CLUAP1: variants seen among roughly 807,000 people sequenced by gnomAD.
CLUAP1 encodes intraflagellar transport 38, also known as clusterin-associated protein 1.
A neutral mutation model predicts 55.0 loss-of-function variants in CLUAP1; 50 were observed. The observed-to-expected ratio is 0.91, with a 90% CI of 0.72 to 1.15. CLUAP1 has a LOEUF of 1.15. Among genes scored for constraint, CLUAP1 ranks in the 50% most tolerant of loss-of-function variants. The pLI, the probability that CLUAP1 is intolerant of heterozygous loss-of-function variation, is 0.00. For synonymous variants in CLUAP1, 195 were observed against 175.4 expected, an observed-to-expected ratio of 1.11 and a Z score of -0.88; for missense variants, 530 against 507.6, an observed-to-expected ratio of 1.04 and a Z score of -0.42.
Position 3,523,315 on chromosome 16 carries a change from C to T in CLUAP1, c.855+16C>T. 1 of 1,602,168 alleles carries T rather than the reference C, an allele frequency of 6.2e-7. No homozygotes were observed. The highest frequency in any genetic ancestry group is 2.2e-5 in the East Asian group (1 of 44,506). ...AAGGTTTGAGGTGAGCTGAGCCTGT[C>T]CTCTGTTCAGCCATTCCTTCTGGTG... On this transcript the variant is annotated intron_variant, in intron 8 of 11. Coordinates refer to ENST00000576634, the MANE Select transcript of CLUAP1 (RefSeq NM_015041.3).
rs2037440617 is a variant in CLUAP1, at chr16:3,503,198, C to T, written c.23-1522C>T. Among the ~76,000 whole-genome samples the T allele has an allele frequency of 2.6e-5, 4 of 152,174 alleles. No homozygotes were observed. The South Asian group carries it at 8.3e-4, about 32-fold the overall frequency. On this transcript the variant is annotated intron_variant, in intron 1 of 11. Coordinates refer to ENST00000576634, the MANE Select transcript of CLUAP1 (RefSeq NM_015041.3). ...TCTTTTTTTGAGATGGAGTCTCGCT[C>T]TGTCACCCAGGCTGGAGTGCAGTGA...
Position 3,512,578 on chromosome 16 carries a change from A to T in CLUAP1, c.495+100A>T, listed in dbSNP as rs115948598. 3.4e-3 allele frequency: 3,086 copies of T among 906,408 alleles called. 62 individuals are homozygous for T. In the African/African-American group the frequency reaches 0.045, roughly 13 times the overall value. 56.1% of individuals were successfully genotyped at this position (906,408 alleles called of 1,614,324 possible). A position where few individuals can be genotyped will look rare whatever the true frequency, so the allele number is the denominator to read the frequency against. ...TTTCAGTTCTGATTTAATGAAATAC[A>T]CCTGGTTGAATGAGCTAATGTGTGG... On this transcript the variant is annotated intron_variant, in intron 5 of 11. Coordinates refer to ENST00000576634, the MANE Select transcript of CLUAP1 (RefSeq NM_015041.3).
chr16:3,507,731 T>C (rs1249216907), intron 3 of CLUAP1, among the ~76,000 whole-genome samples: 5 of 149,408 alleles, frequency 3.3e-5, no homozygotes, highest in African/African-American at 1.2e-4. Flanking sequence ...AATAAAAATA[T>C]ATATTTTTCC....
intron 4 of CLUAP1, among the ~76,000 whole-genome samples, chr16:3,509,435 C>A (rs142633099): frequency 1.3e-5 from 2 of 152,204 alleles, no homozygotes; most frequent in Non-Finnish European, 2.9e-5. Flanking sequence ...CAAAGGGTTG[C>A]TCTGGCTGCT....
At chr16:3,502,651 C>T (rs1265905576) in intron 1 of CLUAP1, among the ~76,000 whole-genome samples, 1 of 152,074 alleles carries the variant, frequency 6.6e-6, no homozygotes, top group Non-Finnish European at 1.5e-5. Context: ...CCACTGAGCA[C>T]CAGAGTGTGA....
rs555397963 is a variant in CLUAP1 at position 3,528,469 on chromosome 16, A to G, written c.928+1985A>G. On this transcript the variant is annotated intron_variant, in intron 9 of 11. Transcript: ENST00000576634. ...TCCAGGAACAAGGTTAGGAAATTTG[A>G]AGGGCCTGTCTAGCCAAAGCAGCCC... Among the ~76,000 whole-genome samples, 17 of 152,272 alleles carry G rather than the reference A, an allele frequency of 1.1e-4. 1 individual carries two copies. The highest frequency in any genetic ancestry group is 4.1e-4 in the African/African-American group (17 of 41,550).
At chr16:3,522,778 C>A (rs920684596) in intron 7 of CLUAP1, among the ~76,000 whole-genome samples, 2 of 151,752 alleles carry the variant, frequency 1.3e-5, no homozygotes, top group African/African-American at 4.9e-5. Context: ...TATAAAATTT[C>A]TTGGTATATT....
In CLUAP1 at chr16:3,529,454, TTA is replaced by T. The variant is rs1371680911; in HGVS notation, c.929-1107_929-1106del. On this transcript the variant is annotated intron_variant, in intron 9 of 11. Transcript: ENST00000576634. The stretch of plus-strand genomic sequence containing the variant: ...ATAATATATATTATATTATATATTA[TTA>T]TATATAATATATATTATATTATATA... 9.2e-4 allele frequency among the ~76,000 whole-genome samples: 67 copies of T among 72,814 alleles called. 2 individuals are homozygous for T. Among genetic ancestry groups the T allele is most frequent in the Middle Eastern group, 5.2e-3 (1 of 192 alleles). The allele number at this position is 72,814 out of a possible 152,430, so 47.8% of individuals were successfully genotyped here. A position where few individuals can be genotyped will look rare whatever the true frequency, so the allele number is the denominator to read the frequency against.
chr16:3,519,800 T>C (rs897071943), intron 6 of CLUAP1, 103 bp from the exon 7 acceptor site: 1 of 1,163,128 alleles, frequency 8.6e-7, no homozygotes. Context: ...TTTGTGTTTG[T>C]TGAGCATAAT....
At chr16:3,522,988 G>T (rs117472079) in intron 7 of CLUAP1, among the ~76,000 whole-genome samples, 170 bp from the exon 8 acceptor site, 25 of 152,176 alleles carry the variant, frequency 1.6e-4, no homozygotes, top group African/African-American at 5.8e-4. Flanking sequence ...GTTCATTTTG[G>T]GGGGAGAAAG....
At chr16:3,508,163 G>A (rs1465359823) in intron 3 of CLUAP1, 126 bp from the exon 4 acceptor site, 1 of 753,782 alleles carries the variant, frequency 1.3e-6, no homozygotes, top group African/African-American at 1.8e-5. Context: ...TCACTTGAAT[G>A]CTTTGCTTTT....
upstream of CLUAP1, among the ~76,000 whole-genome samples, chr16:3,500,010 A>G (rs972835236): frequency 6.6e-6 from 1 of 152,224 alleles, no homozygotes; most frequent in African/African-American, 2.4e-5. Flanking sequence ...ATGCCAACCA[A>G]TCGCTTTGTG....
upstream of CLUAP1, chr16:3,496,275 G>A: frequency 1.3e-6 from 1 of 768,750 alleles, no homozygotes; most frequent in South Asian, 1.3e-5. Flanking sequence ...ATATCTAACT[G>A]AGGCTGTTTG....
chr16:3,538,201 T>C lies in CLUAP1; in HGVS notation c.*1930T>C, dbSNP rs537866202. 1.1e-4 allele frequency: 16 copies of C among 152,206 alleles called. No individual in the cohort carries two copies. In the South Asian group the frequency reaches 2.7e-3, roughly 26 times the overall value. 9.4% of individuals were successfully genotyped at this position (152,206 alleles called of 1,614,324 possible). On this transcript the variant is annotated 3_prime_UTR_variant, in exon 12 of 12. Transcript: ENST00000576634. The stretch of plus-strand genomic sequence containing the variant: ...TGTACCTGTCAGATATAAATACTTA[T>C]TCAGGAGTTCACAGGTACGAAAAGA...
At chr16:3,512,915 C>T (rs1221621937) in intron 5 of CLUAP1, among the ~76,000 whole-genome samples, 1 of 152,130 alleles carries the variant, frequency 6.6e-6, no homozygotes, top group Non-Finnish European at 1.5e-5. Context: ...CTCCTGACCT[C>T]GTGATCTGCC....
At position 3,537,611 on chromosome 16, in the gene CLUAP1, A is replaced by G. The variant is rs8052563; in HGVS notation, c.*1340A>G. The G allele has an allele frequency of 0.033, 4,971 of 151,582 alleles. 242 individuals carry two copies. The highest frequency in any genetic ancestry group is 0.11 in the African/African-American group (4,415 of 41,268). The allele number at this position is 151,582 out of a possible 1,614,324, so 9.4% of individuals were successfully genotyped here. A position where few individuals can be genotyped will look rare whatever the true frequency, so the allele number is the denominator to read the frequency against. On this transcript the variant is annotated 3_prime_UTR_variant, in exon 12 of 12. Transcript: ENST00000576634. Reference sequence around the variant, plus strand: ...TTGAGACCAGGAAGTTGAGGCTGCAATGAGCCGTGATCATGCCACTGCACT... The same window carrying G: ...TTGAGACCAGGAAGTTGAGGCTGCAGTGAGCCGTGATCATGCCACTGCACT...
At chr16:3,512,186 CAAAAAAAA>C (rs1210287851) in intron 4 of CLUAP1, among the ~76,000 whole-genome samples, 189 bp from the exon 5 acceptor site, 1 of 79,898 alleles carries the variant, frequency 1.3e-5, no homozygotes, top group Admixed American at 1.4e-4. Flanking sequence ...AACTCCGTCT[CAAAAAAAA>C]AAAAAAAAAA....
chr16:3,532,810 G>A lies in CLUAP1; in HGVS notation c.1061G>A (p.Gly354Asp). 1 of 1,614,068 alleles carries A rather than the reference G, an allele frequency of 6.2e-7. No individual in the cohort carries two copies. The highest frequency in any genetic ancestry group is 8.5e-7 in the Non-Finnish European group (1 of 1,180,008). ...MQGRPGKRIV[G>D]TMQGGDSDDN... is the part of the protein sequence containing the mutation. ...GGAAGACCTGGCAAACGCATTGTGG[G>A]CACGATGCAAGGTGGAGACTCCGAT... The change falls in exon 11 of 12, where the codon GGC (glycine) becomes GAC (aspartate). Residue 354 changes from glycine to aspartate, a missense_variant. Coordinates refer to ENST00000576634, the MANE Select transcript of CLUAP1 (RefSeq NM_015041.3).
At chr16:3,509,672 C>G (rs1255539863) in intron 4 of CLUAP1, among the ~76,000 whole-genome samples, 1 of 152,186 alleles carries the variant, frequency 6.6e-6, no homozygotes, top group Non-Finnish European at 1.5e-5. Flanking sequence ...GGGAGTGCAC[C>G]TAAGAGTGTG....
Sources: gnomAD v4.1 joint callset for allele counts (sites outside exome capture counted in the v4.1 genomes callset) on GRCh38, gnomAD v4.1.1 for gene constraint, MANE v1.5 for transcripts, NCBI Gene and HGNC (gene_info 2026-07-23, HGNC 2026-07-21) for gene names.